The following CLTCL1 variants were observed in gnomAD, a reference collection of about 807,000 sequenced individuals.
CLTCL1 encodes the protein clathrin heavy chain 2.
In CLTCL1, 159 loss-of-function variants were observed where a neutral mutation model predicts 190.0. The observed-to-expected ratio is 0.84, with a 90% CI of 0.74 to 0.95. The LOEUF (loss-of-function observed/expected upper bound fraction) is 0.95, where lower values mean the gene tolerates loss of function less well. Ranked by LOEUF, CLTCL1 falls within the 40% of genes least tolerant of loss-of-function variation. The pLI is 0.00. For missense variants in CLTCL1, 1,878 were observed against 2,033.4 expected, an observed-to-expected ratio of 0.92 and a Z score of 1.47; for synonymous variants, 752 against 769.6, an observed-to-expected ratio of 0.98 and a Z score of 0.38.
intron 20 of CLTCL1, among the ~76,000 whole-genome samples, chr22:19,209,902 G>A (rs1027818025): frequency 1.3e-5 from 2 of 152,138 alleles, no homozygotes; most frequent in Non-Finnish European, 2.9e-5. Context: ...CCTGACCTTG[G>A]ATCCTGAAAA....
intron 26 of CLTCL1, among the ~76,000 whole-genome samples, chr22:19,195,637 CAT>C (rs1362875472): frequency 6.6e-6 from 1 of 151,164 alleles, no homozygotes; most frequent in Non-Finnish European, 1.5e-5. Context: ...ACCAAACTCA[CAT>C]ACAGAGCTGG....
At chr22:19,249,823 A>T in intron 3 of CLTCL1, 1 of 340,724 alleles carries the variant, frequency 2.9e-6, no homozygotes, top group Non-Finnish European at 6.0e-6. Flanking sequence ...TAACTTTCAT[A>T]CCCTGTTCAC....
At chr22:19,208,333 A>AG in intron 21 of CLTCL1, 22 bp from the exon 22 acceptor site, 1 of 1,611,442 alleles carries the variant, frequency 6.2e-7, no homozygotes, top group Non-Finnish European at 8.5e-7. Flanking sequence ...AAACAAAGAT[A>AG]GGTTAACCCA....
intron 27 of CLTCL1, among the ~76,000 whole-genome samples, chr22:19,189,713 T>C (rs1555930461): frequency 1.3e-5 from 2 of 152,234 alleles, no homozygotes; most frequent in East Asian, 3.8e-4. Flanking sequence ...TTCTTCCAAA[T>C]TCCTGTTAAT....
chr22:19,234,745 A>T (rs2086025425), intron 6 of CLTCL1, 39 bp from the exon 7 acceptor site: 1 of 1,543,316 alleles, frequency 6.5e-7, no homozygotes, highest in Non-Finnish European at 8.9e-7. Context: ...CCGGCCTAGA[A>T]GAGTGCTCCA....
At chr22:19,282,156 C>A (rs1384131522) in intron 1 of CLTCL1, among the ~76,000 whole-genome samples, 1 of 151,898 alleles carries the variant, frequency 6.6e-6, no homozygotes, top group Non-Finnish European at 1.5e-5. Flanking sequence ...TGGTGAAACC[C>A]CGTCTCTACT....
At chr22:19,234,740 C>CTA in intron 6 of CLTCL1, 34 bp from the exon 7 acceptor site, 2 of 1,562,936 alleles carry the variant, frequency 1.3e-6, no homozygotes, top group African/African-American at 1.4e-5. Context: ...GCAGCCCGGC[C>CTA]TAGAAGAGTG....
chr22:19,207,010 ATTT>A (rs781980213), intron 22 of CLTCL1, among the ~76,000 whole-genome samples: 974 of 92,646 alleles, frequency 0.011, 6 homozygotes, highest in East Asian at 0.073. Context: ...TAAACTACTA[ATTT>A]TTTTTTTTTT....
At chr22:19,227,869 C>T (rs546170140) in intron 11 of CLTCL1, among the ~76,000 whole-genome samples, 11 of 152,270 alleles carry the variant, frequency 7.2e-5, no homozygotes, top group East Asian at 3.9e-4. Context: ...GGGTTATAGG[C>T]GCGAGCCACT....
chr22:19,272,472 T>TTTTG (rs1486631665), intron 2 of CLTCL1, among the ~76,000 whole-genome samples: 9 of 152,016 alleles, frequency 5.9e-5, no homozygotes, highest in Admixed American at 3.9e-4. Flanking sequence ...TTTCGCTCTT[T>TTTTG]TTTGTTTGTT....
intron 3 of CLTCL1, among the ~76,000 whole-genome samples, chr22:19,248,786 G>A (rs2086498617): frequency 6.6e-6 from 1 of 152,070 alleles, no homozygotes; most frequent in Admixed American, 6.6e-5. Context: ...CTGACCACAG[G>A]GTGATCTGCC....
chr22:19,254,566 C>G (rs1342706181), intron 2 of CLTCL1, among the ~76,000 whole-genome samples: 1 of 152,182 alleles, frequency 6.6e-6, no homozygotes, highest in Non-Finnish European at 1.5e-5. Context: ...CTGGATAACT[C>G]AGCAAAAACA....
At chr22:19,210,212 A>C in intron 20 of CLTCL1, 114 bp downstream of exon 20, 1 of 970,244 alleles carries the variant, frequency 1.0e-6, no homozygotes, top group African/African-American at 1.6e-5. Context: ...GCACGAAGAG[A>C]TGCACTGGAC....
intron 2 of CLTCL1, among the ~76,000 whole-genome samples, chr22:19,272,279 A>C (rs1413392693): frequency 6.6e-6 from 1 of 152,226 alleles, no homozygotes; most frequent in African/African-American, 2.4e-5. Context: ...AGAATTCACC[A>C]CAAATCCGTC....
chr22:19,237,979 T>G (rs2086131802), intron 5 of CLTCL1, among the ~76,000 whole-genome samples: 1 of 152,346 alleles, frequency 6.6e-6, no homozygotes, highest in East Asian at 1.9e-4. Context: ...GAGAGTAGAT[T>G]ATATAATCTT....
intron 19 of CLTCL1, among the ~76,000 whole-genome samples, chr22:19,213,600 A>T (rs2085297451): frequency 6.6e-6 from 1 of 152,190 alleles, no homozygotes; most frequent in African/African-American, 2.4e-5. Flanking sequence ...GACAAAAAAG[A>T]ATGTAAGGCT....
At chr22:19,262,158 TGGGACTACA>T (rs1438527392) in intron 2 of CLTCL1, among the ~76,000 whole-genome samples, 2 of 151,892 alleles carry the variant, frequency 1.3e-5, no homozygotes, top group Admixed American at 1.3e-4. Flanking sequence ...CCCAAGTAGC[TGGGACTACA>T]GGAGCGTGCC....
At chr22:19,259,192 G>A (rs2086862595) in intron 2 of CLTCL1, among the ~76,000 whole-genome samples, 1 of 152,092 alleles carries the variant, frequency 6.6e-6, no homozygotes, top group Non-Finnish European at 1.5e-5. Context: ...TGCCACCTCT[G>A]CCTCTCAGGT....
At chr22:19,190,573 T>C (rs1201298354) in intron 27 of CLTCL1, among the ~76,000 whole-genome samples, 4 of 113,836 alleles carry the variant, frequency 3.5e-5, no homozygotes, top group African/African-American at 1.1e-4. Context: ...CACTCCCACC[T>C]GGGCAACAGA....
Sources: allele counts gnomAD v4.1 joint callset (sites outside exome capture counted in the v4.1 genomes callset), GRCh38; gene constraint gnomAD v4.1.1; transcripts MANE v1.5; gene names NCBI Gene and HGNC (gene_info 2026-07-23, HGNC 2026-07-21).